EHMT2: variants seen among roughly 807,000 people sequenced by gnomAD.
EHMT2 encodes euchromatic histone lysine methyltransferase 2, also known as histone-lysine N-methyltransferase EHMT2.
A neutral mutation model predicts 143.3 loss-of-function variants in EHMT2; 59 were observed. The ratio of observed to expected loss-of-function variants is 0.41; its 90% CI spans 0.33 to 0.51. The LOEUF is 0.51. Ranked by LOEUF, EHMT2 falls within the 20% of genes least tolerant of loss-of-function variation. The probability of loss-of-function intolerance (pLI) is 0.18; values close to 1 mark genes in which losing one functional copy is unlikely to be tolerated. For missense variants in EHMT2, 1,174 were observed against 1,645.9 expected (o/e 0.71, Z 4.96); for synonymous variants, 604 against 651.5 (o/e 0.93, Z 1.11).
rs1201110303 is a variant in EHMT2 at position 31,896,906 on chromosome 6, G to A, written c.109+17C>T. 7.5e-6 allele frequency: 12 copies of A among 1,609,518 alleles called. No homozygotes were observed. Among genetic ancestry groups the A allele is most frequent in the Non-Finnish European group, 8.5e-6 (10 of 1,178,756 alleles). On this transcript the variant is annotated intron_variant, in intron 2 of 27. Coordinates refer to ENST00000375537, the Ensembl canonical transcript of EHMT2. ...GAAGGTGACGGTCCAATTGGGGCCC[G>A]TTTTAGCTGCACTCACCTCTCTCGG...
chr6:31,897,198 C>G (rs1766647739), intron 1 of EHMT2: 2 of 1,267,218 alleles, frequency 1.6e-6, no homozygotes, highest in Non-Finnish European at 2.0e-6. Flanking sequence ...CGGTAGACCC[C>G]GCATCTCTGG....
chr6:31,895,926 G>C (rs971659799), intron 4 of EHMT2: 4 of 254,548 alleles, frequency 1.6e-5, no homozygotes, highest in African/African-American at 6.6e-5. Context: ...TTTACAAATA[G>C]AGCAGTGACA....
chr6:31,884,013 A>G lies in EHMT2; in HGVS notation c.2772-63T>C, dbSNP rs1764468638. 7.6e-6 allele frequency: 12 copies of G among 1,579,332 alleles called. No individual in the cohort carries two copies. Among genetic ancestry groups the G allele is most frequent in the Non-Finnish European group, 1.0e-5 (12 of 1,160,476 alleles). On this transcript the variant is annotated intron_variant, in intron 21 of 27. Transcript: ENST00000375537. This position sits in a 1 kb window ranked among gnomAD's most constrained non-coding sequence, Gnocchi z 7.3. ...AAGGGGGTGAGGAGCTACTCCAGGT[A>G]TAAGGAAGAGAGTTGGGGAGGTTCC...
intron 4 of EHMT2, chr6:31,893,654 C>G (rs1023650481): frequency 2.6e-5 from 7 of 267,192 alleles, no homozygotes; most frequent in African/African-American, 1.6e-4. Flanking sequence ...GAGATGGGGT[C>G]TTGGTATGCT....
In EHMT2 at chr6:31,883,379, G is replaced by A. The variant is rs1196549609; in HGVS notation, c.2977C>T (p.Arg993Trp). 2 of 1,612,806 alleles carry A rather than the reference G, an allele frequency of 1.2e-6. No homozygotes were observed. The highest frequency in any genetic ancestry group is 1.7e-6 in the Non-Finnish European group (2 of 1,179,974). The change falls in exon 23 of 28, where the codon CGG becomes TGG. Residue 993 changes from arginine to tryptophan, a missense_variant. By Grantham distance (101) the Arg-to-Trp change is moderately radical (BLOSUM62 -3). This residue lies in a region of EHMT2 where 78 missense variants were observed against 144.0 expected (regional missense o/e 0.54). Coordinates refer to ENST00000375537, the Ensembl canonical transcript of EHMT2. This position sits in a 1 kb window ranked among gnomAD's most constrained non-coding sequence, Gnocchi z 5.6. ...GCACGCACCTTGTCATACCAGCACC[G>A]GATGCTGAGCTGGCCGCACAGGCAG...
Position 31,883,421 on chromosome 6 carries a change from C to T in EHMT2, c.2935G>A (p.Asp979Asn), listed in dbSNP as rs1358768973. 1.9e-6 allele frequency: 3 copies of T among 1,612,820 alleles called. No homozygotes were observed. The highest frequency in any genetic ancestry group is 1.3e-5 in the African/African-American group (1 of 75,038). ...CACAGGCAGTTGGAGCTAGAGCAGT[C>T]GTCCACACACGTGCAGTGCTGGGGC... Residue 979 changes from aspartate to asparagine, a missense_variant, in exon 23 of 28, where the codon GAC becomes AAC. By Grantham distance (23) the Asp-to-Asn change is conservative. Transcript: ENST00000375537. The surrounding 1 kb of genome is among the most constrained non-coding windows in gnomAD (Gnocchi z 5.6).
At position 31,881,268 on chromosome 6, in the gene EHMT2, T is replaced by C; in HGVS notation, c.3198-176A>G. The C allele has an allele frequency of 1.5e-6, 1 of 657,460 alleles. No individual in the cohort carries two copies. The highest frequency in any genetic ancestry group is 2.7e-6 in the Non-Finnish European group (1 of 364,654). The allele number at this position is 657,460 out of a possible 1,614,324, so 40.7% of individuals were successfully genotyped here. ...AAGTGAAAGGGCAGCATTCCAGCCTTGACAGAGGAAGCCTTCAGTCAGCAC... is the reference window on the plus strand; with the variant it reads ...AAGTGAAAGGGCAGCATTCCAGCCTCGACAGAGGAAGCCTTCAGTCAGCAC... On this transcript the variant is annotated intron_variant, in intron 25 of 27. Coordinates refer to ENST00000375537, the Ensembl canonical transcript of EHMT2. The surrounding 1 kb of genome is among the most constrained non-coding windows in gnomAD (Gnocchi z 4.8).
chr6:31,888,802 C>T lies in EHMT2; in HGVS notation c.1217-55G>A, dbSNP rs974349998. The T allele has an allele frequency of 3.8e-6, 6 of 1,595,420 alleles. No homozygotes were observed. The highest frequency in any genetic ancestry group is 1.3e-5 in the African/African-American group (1 of 74,800). Reference sequence around the variant, plus strand: ...AGGCTCTGCACCTCACCTACTGGGACCCCTGGCGGGTCCTCTCACTCCCTC... The same window carrying T: ...AGGCTCTGCACCTCACCTACTGGGATCCCTGGCGGGTCCTCTCACTCCCTC... On this transcript the variant is annotated intron_variant, in intron 10 of 27. Coordinates refer to ENST00000375537, the Ensembl canonical transcript of EHMT2. This position sits in a 1 kb window ranked among gnomAD's most constrained non-coding sequence, Gnocchi z 7.4.
rs1243681655 is a variant in EHMT2, at chr6:31,896,202, A to G, written c.582+61T>C. 1.9e-6 allele frequency: 3 copies of G among 1,540,352 alleles called. No individual in the cohort carries two copies. In the South Asian group the frequency reaches 3.8e-5, roughly 19 times the overall value. ...AAATGGAGTAGAAGCCTTAAGTGAAACTGTAAAAGAGCTCACCAAAGGTTT... is the reference window on the plus strand; with the variant it reads ...AAATGGAGTAGAAGCCTTAAGTGAAGCTGTAAAAGAGCTCACCAAAGGTTT... On this transcript the variant is annotated intron_variant, in intron 4 of 27. Transcript: ENST00000375537.
chr6:31,880,194 A>C lies in EHMT2; in HGVS notation c.3523T>G (p.Cys1175Gly). The change falls in exon 28 of 28, where the codon TGC becomes GGC. Residue 1175 changes from cysteine (C) to glycine (G), a missense_variant. By Grantham distance (159) the Cys-to-Gly change is radical (BLOSUM62 -3). Coordinates refer to ENST00000375537, the Ensembl canonical transcript of EHMT2. This position sits in a 1 kb window ranked among gnomAD's most constrained non-coding sequence, Gnocchi z 6.6. ...GCAATGGCTTCGGCTGAGTGCTTGC[A>C]CTTCTCAGAGCCACATTGGCAGGTG... The C allele has an allele frequency of 6.2e-7, 1 of 1,613,000 alleles. No homozygotes were observed. Among genetic ancestry groups the C allele is most frequent in the Non-Finnish European group, 8.5e-7 (1 of 1,180,008 alleles).
intron 4 of EHMT2, chr6:31,893,170 G>T (rs1339291028): frequency 2.1e-5 from 11 of 534,286 alleles, no homozygotes; most frequent in Non-Finnish European, 3.6e-5. Context: ...GCTTAATAAA[G>T]TTAAAAGACC....
chr6:31,887,108 G>A lies in EHMT2; in HGVS notation c.2012-7C>T, dbSNP rs549520682. 6.3e-7 allele frequency: 1 copy of A among 1,592,932 alleles called. No individual in the cohort carries two copies. The highest frequency in any genetic ancestry group is 8.6e-7 in the Non-Finnish European group (1 of 1,166,648). ...TTGGGGTCCAGGTTGTCCACTGCGG[G>A]GAGAGCCCGCCACACCGGGAGAGGG... On this transcript the variant is annotated splice_region_variant and splice_polypyrimidine_tract_variant and intron_variant, in intron 15 of 27. Coordinates refer to ENST00000375537, the Ensembl canonical transcript of EHMT2.
chr6:31,882,836 A>AG, intron 24 of EHMT2, 51 bp from the exon 25 acceptor site: 2 of 1,611,306 alleles, frequency 1.2e-6, no homozygotes, highest in Non-Finnish European at 1.7e-6. Flanking sequence ...GAAAAGCCCC[A>AG]GGGGCAGGGA....
In EHMT2 at chr6:31,886,695, C is replaced by A. The variant is rs1021905040; in HGVS notation, c.2242-13G>T. The A allele has an allele frequency of 6.2e-6, 10 of 1,613,984 alleles. No individual in the cohort carries two copies. The highest frequency in any genetic ancestry group is 1.3e-5 in the African/African-American group (1 of 75,070). On this transcript the variant is annotated splice_polypyrimidine_tract_variant and intron_variant, in intron 17 of 27. Transcript: ENST00000375537. ...AACCGTCCTCCTCCTGAGGGAGACA[C>A]GGGCAAATGAGCCTTTGGGCTGGCA...
Position 31,883,115 on chromosome 6 carries a change from G to A in EHMT2, c.2995-106C>T. On this transcript the variant is annotated intron_variant, in intron 23 of 27. Coordinates refer to ENST00000375537, the Ensembl canonical transcript of EHMT2. This position sits in a 1 kb window ranked among gnomAD's most constrained non-coding sequence, Gnocchi z 5.6. ...AGACAGGGAAGTTGGGGTTGGGGAG[G>A]TCACACAGGCTCTGAGATCCGAGAG... The A allele has an allele frequency of 1.9e-6, 2 of 1,076,384 alleles. No homozygotes were observed. The highest frequency in any genetic ancestry group is 2.8e-6 in the Non-Finnish European group (2 of 718,682). 66.7% of individuals were successfully genotyped at this position (1,076,384 alleles called of 1,614,324 possible).
At position 31,880,410 on chromosome 6, in the gene EHMT2, TG is replaced by T. The variant is rs1281312070; in HGVS notation, c.3453-147del. 9.1e-6 allele frequency: 9 copies of T among 984,972 alleles called. No individual in the cohort carries two copies. The highest frequency in any genetic ancestry group is 1.2e-5 in the Non-Finnish European group (8 of 683,018). The allele number at this position is 984,972 out of a possible 1,614,324, so 61.0% of individuals were successfully genotyped here. A position where few individuals can be genotyped will look rare whatever the true frequency, so the allele number is the denominator to read the frequency against. On this transcript the variant is annotated intron_variant, in intron 27 of 27. Transcript: ENST00000375537. This position sits in a 1 kb window ranked among gnomAD's most constrained non-coding sequence, Gnocchi z 6.6. ...GGATCTGAGCCCCTTGTATGTTCTA[TG>T]GACTTTCAGCATCAGCATTGCCTGG...
chr6:31,884,173 T>C lies in EHMT2; in HGVS notation c.2771+219A>G. 1.4e-6 allele frequency: 1 copy of C among 700,718 alleles called. No homozygotes were observed. Among genetic ancestry groups the C allele is most frequent in the Non-Finnish European group, 2.3e-6 (1 of 431,558 alleles). The allele number at this position is 700,718 out of a possible 1,614,324, so 43.4% of individuals were successfully genotyped here. On this transcript the variant is annotated intron_variant, in intron 21 of 27. Coordinates refer to ENST00000375537, the Ensembl canonical transcript of EHMT2. The surrounding 1 kb of genome is among the most constrained non-coding windows in gnomAD (Gnocchi z 7.3). ...ACAGGACATTCTCACACTAAAAAAG[T>C]ATGCATCTGTGCATCTGAAATTCCA... is the stretch of plus-strand genomic sequence containing the variant.
In EHMT2 at chr6:31,884,486, C is replaced by T. The variant is rs752118968; in HGVS notation, c.2677G>A (p.Glu893Lys). Residue 893 changes from glutamate (E) to lysine (K), a missense_variant, in exon 21 of 28, where the codon GAG (glutamate) becomes AAG (lysine). Transcript: ENST00000375537. The surrounding 1 kb of genome is among the most constrained non-coding windows in gnomAD (Gnocchi z 7.3). ...AGCGCAAACCACACGTCGGAGCGCT[C>T]GGGAGTCAGGTCCCATGCTGTGTCC... The T allele has an allele frequency of 4.3e-6, 7 of 1,612,842 alleles. No homozygotes were observed. The East Asian group carries it at 6.7e-5, about 15-fold the overall frequency.
exon 5 of EHMT2, chr6:31,892,896 C>G (rs1263623443): frequency 6.3e-7 from 1 of 1,578,628 alleles, no homozygotes; most frequent in East Asian, 2.2e-5. Context: ...GGGGCCGCTT[C>G]TCAGGGACCG....
Sources: allele counts gnomAD v4.1 joint callset, GRCh38; gene constraint gnomAD v4.1.1; regional missense constraint gnomAD v4.1.1; non-coding constraint Gnocchi (gnomAD v3.1); transcripts MANE v1.5; gene names NCBI Gene and HGNC (gene_info 2026-07-23, HGNC 2026-07-21).